Variants in PNPLA6 observed in about 807,000 individuals in gnomAD.
PNPLA6 encodes patatin like domain 6, lysophospholipase, also known as patatin-like phospholipase domain-containing protein 6.
A neutral mutation model predicts 153.7 loss-of-function variants in PNPLA6; 105 were observed. The observed-to-expected ratio is 0.68, with a 90% confidence interval of 0.58 to 0.80. PNPLA6 has a LOEUF of 0.80. PNPLA6 is among the 30% of genes least tolerant of loss of function. The probability of loss-of-function intolerance (pLI) is 0.00; values close to 1 mark genes in which losing one functional copy is unlikely to be tolerated. For synonymous variants in PNPLA6, 825 were observed against 822.2 expected (o/e 1.00, Z -0.06); for missense variants, 1,423 against 1,919.3 (o/e 0.74, Z 4.83).
Position 7,557,231 on chromosome 19 carries a change from AC to A in PNPLA6, c.3348del (p.Lys1117ArgfsTer58). On this transcript the variant is annotated frameshift_variant, in exon 27 of 32. Transcript: ENST00000600737. LOFTEE classifies it high-confidence loss of function. ...TCGGGCTACCTGCCCCCGCTGTGCG[AC>A]CCCAAGGACGGGCACCTACTCATGG... is the stretch of plus-strand genomic sequence containing the variant. ...TLSGYLPPLCDPKDGHLLMDG... is the reference protein window; with the variant it reads ...TLSGYLPPLCXPKDGHLLMDG... The A allele has an allele frequency of 6.2e-7, 1 of 1,613,620 alleles. No homozygotes were observed. The highest frequency in any genetic ancestry group is 1.1e-5 in the South Asian group (1 of 91,090).
intron 29 of PNPLA6, 94 bp downstream of exon 29, chr19:7,560,858 A>G (rs140114481): frequency 2.2e-6 from 2 of 915,792 alleles, no homozygotes; most frequent in Non-Finnish European, 3.6e-6. Context: ...ATGACCCCAC[A>G]TGTCCCTGGG....
chr19:7,552,549 G>T (rs1172605303), intron 18 of PNPLA6, among the ~76,000 whole-genome samples: 1 of 151,962 alleles, frequency 6.6e-6, no homozygotes, highest in Non-Finnish European at 1.5e-5. Context: ...TGAGGTCAGG[G>T]GTTCGAGACC....
At chr19:7,542,528 T>C (rs767380562) in intron 10 of PNPLA6, 33 bp from the exon 11 acceptor site, 26 of 1,502,778 alleles carry the variant, frequency 1.7e-5, no homozygotes, top group Admixed American at 6.7e-5. Flanking sequence ...CTCTCATCTT[T>C]ATGGTTTTTG....
At chr19:7,551,678 T>C (rs892317785) in intron 18 of PNPLA6, among the ~76,000 whole-genome samples, 2 of 152,100 alleles carry the variant, frequency 1.3e-5, no homozygotes, top group African/African-American at 4.8e-5. Flanking sequence ...GTTAATGGGC[T>C]CGAAAGTAAA....
At position 7,561,755 on chromosome 19, in the gene PNPLA6, C is replaced by G. The variant is rs762020287; in HGVS notation, c.*193C>G. 1.4e-6 allele frequency: 1 copy of G among 700,732 alleles called. No individual in the cohort carries two copies. The allele number at this position is 700,732 out of a possible 1,614,324, so 43.4% of individuals were successfully genotyped here. ...CCAGCCCCTCCCCCAATAAACTCGC[C>G]TCTTGGAAATGGCTTCCTGTCGTTT... On this transcript the variant is annotated 3_prime_UTR_variant, in exon 32 of 32. Coordinates refer to ENST00000600737, the MANE Select transcript of PNPLA6 (RefSeq NM_001166114.2).
At chr19:7,557,114 C>T (rs917860613) in intron 26 of PNPLA6, 54 bp from the exon 27 acceptor site, 20 of 1,359,456 alleles carry the variant, frequency 1.5e-5, no homozygotes, top group South Asian at 1.2e-4. Flanking sequence ...GCTGGGCCTC[C>T]GGCGTGTCTG....
chr19:7,557,355 C>G, intron 27 of PNPLA6, 71 bp downstream of exon 27: 1 of 974,310 alleles, frequency 1.0e-6, no homozygotes, highest in Non-Finnish European at 1.6e-6. Flanking sequence ...CGCGTGGGCA[C>G]ACACAGACAG....
In PNPLA6 at chr19:7,540,914, C is replaced by T. The variant is rs781207322; in HGVS notation, c.796-9C>T. The T allele has an allele frequency of 2.5e-6, 4 of 1,612,928 alleles. No individual in the cohort carries two copies. The African/African-American group carries it at 5.3e-5, about 22-fold the overall frequency. On this transcript the variant is annotated splice_polypyrimidine_tract_variant and intron_variant, in intron 6 of 31. Coordinates refer to ENST00000600737, the MANE Select transcript of PNPLA6 (RefSeq NM_001166114.2). This position sits in a 1 kb window ranked among gnomAD's most constrained non-coding sequence, Gnocchi z 6.8. Reference sequence around the variant, plus strand: ...CCCTTGTCTCTCTTCACGCCCTCCCCTCCCCCAGGGTCACCAGCATCCCCA... The same window carrying T: ...CCCTTGTCTCTCTTCACGCCCTCCCTTCCCCCAGGGTCACCAGCATCCCCA...
chr19:7,556,483 G>A lies in PNPLA6; in HGVS notation c.3124G>A (p.Asp1042Asn). Residue 1042 changes from aspartate (D) to asparagine (N), a missense_variant, in exon 25 of 32, where the codon GAC becomes AAC. Asp to Asn is a conservative substitution (Grantham distance 23). This residue lies in a region of PNPLA6 where 643 missense variants were observed against 835.2 expected (regional missense o/e 0.77). Coordinates refer to ENST00000600737, the MANE Select transcript of PNPLA6 (RefSeq NM_001166114.2). ...GACTTCGGTGCTGGAACCTGTGTTG[G>A]ACCTCACGTACCCAGTCACCTCCAT... is the stretch of plus-strand genomic sequence containing the variant. The part of the protein sequence containing the change: ...SMTSVLEPVL[D>N]LTYPVTSMFT... 3 of 1,613,514 alleles carry A rather than the reference G, an allele frequency of 1.9e-6. No individual in the cohort carries two copies. The highest frequency in any genetic ancestry group is 2.5e-6 in the Non-Finnish European group (3 of 1,179,548).
intron 13 of PNPLA6, among the ~76,000 whole-genome samples, chr19:7,548,801 CTTTTTT>C (rs1159787936): frequency 3.0e-5 from 2 of 67,234 alleles, no homozygotes; most frequent in African/African-American, 9.3e-5. Context: ...AAAAATTTTT[CTTTTTT>C]TTTTTTTTTT....
At chr19:7,556,839 C>A in intron 26 of PNPLA6, 115 bp downstream of exon 26, 1 of 818,124 alleles carries the variant, frequency 1.2e-6, no homozygotes, top group Non-Finnish European at 2.1e-6. Flanking sequence ...ACCGTCCACC[C>A]TGGCCCGATC....
At chr19:7,535,577 G>C, upstream of PNPLA6, 1 of 1,604,976 alleles carries the variant, frequency 6.2e-7, no homozygotes, top group South Asian at 1.1e-5. The surrounding 1 kb of genome is among the most constrained non-coding windows in gnomAD (Gnocchi z 5.0). Flanking sequence ...AAACTGGAAT[G>C]GTAAGGGGTG....
At chr19:7,558,734 ATTCTCTCTTTTTTTT>A in intron 27 of PNPLA6, 101 bp from the exon 28 acceptor site, 1 of 658,360 alleles carries the variant, frequency 1.5e-6, no homozygotes, top group Non-Finnish European at 2.6e-6. Flanking sequence ...ATGTGTGGGT[ATTCTCTCTTTTTTTT>A]TTGCGTGATC....
rs1230744997 is a variant in PNPLA6, at chr19:7,551,026, G to A, written c.2103G>A (p.Thr701=). The change falls in exon 17 of 32, where the codon ACG becomes ACA. Residue 701 remains threonine (T), a synonymous_variant. Coordinates refer to ENST00000600737, the MANE Select transcript of PNPLA6 (RefSeq NM_001166114.2). ...CACTGACCCGGCAGCCGCGAGCCAC[G>A]ACGGTGCACGCGGTGCGCGACACGG... ...VEALTRQPRA[T]TVHAVRDTEL... 1 of 1,548,718 alleles carries A rather than the reference G, an allele frequency of 6.5e-7. No homozygotes were observed.
At position 7,557,232 on chromosome 19, in the gene PNPLA6, C is replaced by A; in HGVS notation, c.3345C>A (p.Asp1115Glu). Residue 1115 changes from aspartate to glutamate, a missense_variant, in exon 27 of 32, where the codon GAC becomes GAA. Around this residue, in one of 10 missense-constraint regions of PNPLA6, gnomAD observed 643 missense variants for 835.2 expected, o/e 0.77. Coordinates refer to ENST00000600737, the MANE Select transcript of PNPLA6 (RefSeq NM_001166114.2). ...CGGGCTACCTGCCCCCGCTGTGCGA[C>A]CCCAAGGACGGGCACCTACTCATGG... ...TLSGYLPPLC[D>E]PKDGHLLMDG... is the part of the protein sequence containing the mutation. The A allele has an allele frequency of 6.2e-7, 1 of 1,613,618 alleles. No individual in the cohort carries two copies. The highest frequency in any genetic ancestry group is 2.2e-5 in the East Asian group (1 of 44,876).
chr19:7,549,633 CAT>C (rs1486675363), intron 13 of PNPLA6: 1 of 496,780 alleles, frequency 2.0e-6, no homozygotes, highest in South Asian at 2.1e-5. Flanking sequence ...GAATTACAGA[CAT>C]GTGCCACGAC....
intron 3 of PNPLA6, among the ~76,000 whole-genome samples, chr19:7,538,419 G>A (rs1357902968): frequency 1.3e-5 from 2 of 152,028 alleles, no homozygotes; most frequent in Non-Finnish European, 2.9e-5. Flanking sequence ...CTGGCCTCAA[G>A]CAATCCTCCC....
chr19:7,559,281 A>G lies in PNPLA6; in HGVS notation c.3699+130A>G, dbSNP rs748314451. 172 of 806,258 alleles carry G rather than the reference A, an allele frequency of 2.1e-4. No individual in the cohort carries two copies. In the Middle Eastern group the frequency reaches 3.3e-3, roughly 15 times the overall value. 49.9% of individuals were successfully genotyped at this position (806,258 alleles called of 1,614,324 possible). On this transcript the variant is annotated intron_variant, in intron 28 of 31. Coordinates refer to ENST00000600737, the MANE Select transcript of PNPLA6 (RefSeq NM_001166114.2). ...GAATCCCATCTGGAATCTCTGGAAA[A>G]CAGATCAGTGATCAATTGGTGATGT...
At chr19:7,561,132 C>A in intron 30 of PNPLA6, 22 bp downstream of exon 30, 1 of 1,600,186 alleles carries the variant, frequency 6.2e-7, no homozygotes. Context: ...AGGGGACCCC[C>A]CAAGAGGGAG....
Sources: gnomAD v4.1 joint callset for allele counts (sites outside exome capture counted in the v4.1 genomes callset) on GRCh38, gnomAD v4.1.1 for gene constraint, gnomAD v4.1.1 regional missense constraint, Gnocchi (gnomAD v3.1) non-coding constraint, MANE v1.5 for transcripts, NCBI Gene and HGNC (gene_info 2026-07-23, HGNC 2026-07-21) for gene names.